Variants in GALNTL6 observed in about 807,000 individuals in gnomAD.
The protein encoded by GALNTL6 is polypeptide N-acetylgalactosaminyltransferase-like 6.
Under a neutral mutation model 73.7 loss-of-function variants are expected in GALNTL6, and 46 were observed. That is an observed-to-expected ratio of 0.62 (90% CI 0.49 to 0.80). The LOEUF (loss-of-function observed/expected upper bound fraction) is 0.80. GALNTL6 is among the 30% of genes least tolerant of loss of function. The pLI is 0.00. For missense variants in GALNTL6, 604 were observed against 755.0 expected (o/e 0.80, Z 2.34); for synonymous variants, 259 against 263.7 (o/e 0.98, Z 0.17).
At chr4:171,995,155 A>G (rs569334656) in intron 2 of GALNTL6, among the ~76,000 whole-genome samples, 1 of 152,116 alleles carries the variant, frequency 6.6e-6, no homozygotes, top group South Asian at 2.1e-4. Flanking sequence ...AATCAGAAAA[A>G]AGTGTTTTAT....
In GALNTL6 at chr4:171,982,464, AT is replaced by A. The variant is rs570240000; in HGVS notation, c.138+167753del. On this transcript the variant is annotated intron_variant, in intron 2 of 12. Transcript: ENST00000506823. ...AGGCGCCCGCCACCACGCCCGGCTG[AT>A]TTTTTTGTATTTTCATTAGAGACGG... Among the ~76,000 whole-genome samples the A allele has an allele frequency of 9.2e-5, 14 of 151,866 alleles. No homozygotes were observed. In the East Asian group the frequency reaches 1.8e-3, roughly 19 times the overall value.
chr4:172,429,246 C>T (rs1731352600), intron 5 of GALNTL6, among the ~76,000 whole-genome samples: 1 of 93,802 alleles, frequency 1.1e-5, no homozygotes, highest in Admixed American at 1.4e-4. Context: ...GAGTCTCGCA[C>T]TGTCTCCCAG....
intron 11 of GALNTL6, among the ~76,000 whole-genome samples, chr4:173,010,171 T>A (rs1752482845): frequency 6.6e-6 from 1 of 152,180 alleles, no homozygotes; most frequent in African/African-American, 2.4e-5. Context: ...CCACTACCCT[T>A]GCCAGCCTCT....
At chr4:172,951,345 A>G (rs1730353095) in intron 9 of GALNTL6, among the ~76,000 whole-genome samples, 1 of 152,192 alleles carries the variant, frequency 6.6e-6, no homozygotes, top group Admixed American at 6.5e-5. Context: ...AGCTTCCTAC[A>G]CTGAATCCAT....
intron 2 of GALNTL6, among the ~76,000 whole-genome samples, chr4:171,988,979 T>A (rs565873969): frequency 6.6e-6 from 1 of 152,098 alleles, no homozygotes; most frequent in Admixed American, 6.5e-5. Flanking sequence ...GGGAAGCAGA[T>A]AATTTAGTTA....
intron 12 of GALNTL6, among the ~76,000 whole-genome samples, chr4:173,028,275 G>A (rs1753314802): frequency 6.6e-6 from 1 of 152,170 alleles, no homozygotes; most frequent in Non-Finnish European, 1.5e-5. Context: ...TTACAAAGGT[G>A]TATTATTAAG....
intron 2 of GALNTL6, among the ~76,000 whole-genome samples, chr4:171,908,972 C>T (rs1179756071): frequency 1.6e-5 from 2 of 123,028 alleles, no homozygotes; most frequent in African/African-American, 6.5e-5. Flanking sequence ...GGAAGGGGAA[C>T]ATCACACTCT....
chr4:172,381,560 T>G (rs577600195), intron 5 of GALNTL6, among the ~76,000 whole-genome samples: 21 of 152,344 alleles, frequency 1.4e-4, no homozygotes, highest in African/African-American at 4.8e-4. Flanking sequence ...TCCTTTATTA[T>G]ATTATTCTGA....
intron 3 of GALNTL6, among the ~76,000 whole-genome samples, chr4:172,234,195 A>G (rs1179406176): frequency 6.6e-6 from 1 of 152,104 alleles, no homozygotes; most frequent in Admixed American, 6.6e-5. Flanking sequence ...GCTAGTAATG[A>G]CAGTGATTTT....
chr4:172,999,294 C>T (rs1450826342), intron 10 of GALNTL6, among the ~76,000 whole-genome samples: 3 of 152,138 alleles, frequency 2.0e-5, no homozygotes, highest in African/African-American at 7.2e-5. Context: ...TCCACCCCAC[C>T]CCACATGCCC....
intron 8 of GALNTL6, among the ~76,000 whole-genome samples, chr4:172,905,872 A>G (rs1175880353): frequency 2.0e-5 from 3 of 150,584 alleles, no homozygotes; most frequent in Non-Finnish European, 4.4e-5. Flanking sequence ...ACCTAAATTT[A>G]TCCTTAACAA....
intron 5 of GALNTL6, among the ~76,000 whole-genome samples, chr4:172,655,630 A>G (rs887484375): frequency 1.3e-5 from 2 of 152,198 alleles, no homozygotes; most frequent in Non-Finnish European, 2.9e-5. Context: ...TCCTCCCTAT[A>G]AAAAGACGTG....
In GALNTL6 at chr4:172,070,927, A is replaced by G. The variant is rs1731518316; in HGVS notation, c.139-158729A>G. On this transcript the variant is annotated intron_variant, in intron 2 of 12. Coordinates refer to ENST00000506823, the MANE Select transcript of GALNTL6 (RefSeq NM_001034845.3). ...TTTATACTATATCCAGACATATGAG[A>G]GGTATAAAAATAAATACTAATATAA... Among the ~76,000 whole-genome samples, 2 of 109,420 alleles carry G rather than the reference A, an allele frequency of 1.8e-5. 1 individual carries two copies. Among genetic ancestry groups the G allele is most frequent in the African/African-American group, 6.9e-5 (2 of 29,080 alleles). The allele number at this position is 109,420 out of a possible 152,430, so 71.8% of individuals were successfully genotyped here. A position where few individuals can be genotyped will look rare whatever the true frequency, so the allele number is the denominator to read the frequency against.
intron 5 of GALNTL6, among the ~76,000 whole-genome samples, chr4:172,560,710 T>C (rs1406175386): frequency 6.6e-6 from 1 of 152,196 alleles, no homozygotes; most frequent in Admixed American, 6.5e-5. Context: ...ATTAAAAATA[T>C]GATTGTACCC....
chr4:172,420,293 G>A (rs1288455398), intron 5 of GALNTL6, among the ~76,000 whole-genome samples: 1 of 152,106 alleles, frequency 6.6e-6, no homozygotes, highest in Non-Finnish European at 1.5e-5. Context: ...ATAGCATTAG[G>A]GATAGTCCGT....
At chr4:172,842,427 T>A (rs73000145) in intron 7 of GALNTL6, among the ~76,000 whole-genome samples, 1 of 152,162 alleles carries the variant, frequency 6.6e-6, no homozygotes, top group African/African-American at 2.4e-5. Flanking sequence ...TTCCTGAAGG[T>A]CTACTAGAGC....
chr4:172,837,652 C>T (rs773310742), intron 7 of GALNTL6, among the ~76,000 whole-genome samples: 4 of 152,172 alleles, frequency 2.6e-5, no homozygotes, highest in Non-Finnish European at 4.4e-5. Context: ...TTTGCCCTTA[C>T]AGCCAATAAA....
chr4:172,638,733 C>T (rs915670360), intron 5 of GALNTL6, among the ~76,000 whole-genome samples: 6 of 152,068 alleles, frequency 3.9e-5, no homozygotes, highest in African/African-American at 7.2e-5. Flanking sequence ...AAACCTTATT[C>T]AAATTTCATG....
chr4:172,872,222 T>C (rs886708035), intron 7 of GALNTL6, among the ~76,000 whole-genome samples: 1 of 152,246 alleles, frequency 6.6e-6, no homozygotes, highest in African/African-American at 2.4e-5. Context: ...CCATGCTAAT[T>C]TGCAGAACAG....
Sources: allele counts gnomAD v4.1 joint callset (sites outside exome capture counted in the v4.1 genomes callset), GRCh38; gene constraint gnomAD v4.1.1; transcripts MANE v1.5; gene names NCBI Gene and HGNC (gene_info 2026-07-23, HGNC 2026-07-21).